NTRK3: variants seen among roughly 807,000 people sequenced by gnomAD.
NTRK3 encodes neurotrophic receptor tyrosine kinase 3.
In NTRK3, 24 loss-of-function variants were observed where a neutral mutation model predicts 91.7. The ratio of observed to expected loss-of-function variants is 0.26; its 90% CI spans 0.19 to 0.37. The LOEUF is 0.37. Among genes scored for constraint, NTRK3 ranks in the 10% least tolerant of loss-of-function variants. The probability of loss-of-function intolerance (pLI) is 1.00; values close to 1 mark genes in which losing one functional copy is unlikely to be tolerated. For synonymous variants in NTRK3, 483 were observed against 404.0 expected (o/e 1.20, Z -2.34); for missense variants, 880 against 1,068.9 (o/e 0.82, Z 2.46).
At chr15:87,921,423 C>G (rs935685502) in intron 17 of NTRK3, among the ~76,000 whole-genome samples, 1 of 152,160 alleles carries the variant, frequency 6.6e-6, no homozygotes, top group African/African-American at 2.4e-5. Context: ...GGTCAGCATC[C>G]CTCAAGAACC....
intron 14 of NTRK3, among the ~76,000 whole-genome samples, chr15:87,969,279 G>T (rs1041431963): frequency 2.6e-5 from 4 of 152,178 alleles, no homozygotes; most frequent in African/African-American, 9.7e-5. Context: ...CACCCACAGG[G>T]GTGGAAAGAG....
At chr15:87,907,749 A>C (rs2066858323) in intron 17 of NTRK3, among the ~76,000 whole-genome samples, 1 of 152,138 alleles carries the variant, frequency 6.6e-6, no homozygotes, top group South Asian at 2.1e-4. Context: ...AGAAGAAAAA[A>C]GCCCCCAAGC....
chr15:88,011,227 C>G (rs1280084006), intron 14 of NTRK3, among the ~76,000 whole-genome samples: 1 of 152,152 alleles, frequency 6.6e-6, no homozygotes, highest in Non-Finnish European at 1.5e-5. Context: ...ATCTGTTGTT[C>G]CCTCCACCAG....
At position 88,126,242 on chromosome 15, in the gene NTRK3, C is replaced by T. The variant is rs770906051; in HGVS notation, c.1396+29G>A. The stretch of plus-strand genomic sequence containing the variant: ...AAAGCAGTAATGTTTCCCCCCATGA[C>T]GCCCTTGAAAATGAAACTCCCACCT... On this transcript the variant is annotated intron_variant, in intron 13 of 18. Transcript: ENST00000394480. The T allele has an allele frequency of 3.2e-5, 46 of 1,459,698 alleles. No individual in the cohort carries two copies. The South Asian group carries it at 4.4e-4, about 14-fold the overall frequency. 90.4% of individuals were successfully genotyped at this position (1,459,698 alleles called of 1,614,324 possible).
exon 19 of NTRK3, chr15:87,866,416 C>T (rs2064679408): frequency 5.9e-6 from 1 of 169,374 alleles, no homozygotes; most frequent in Non-Finnish European, 1.3e-5. Flanking sequence ...TATACATTTA[C>T]ATATATATGT....
chr15:88,086,087 T>C (rs2150705647), intron 13 of NTRK3, among the ~76,000 whole-genome samples: 1 of 152,220 alleles, frequency 6.6e-6, no homozygotes, highest in Non-Finnish European at 1.5e-5. Context: ...GTAGGAGAGG[T>C]GTCCGATGCC....
chr15:88,080,808 A>G (rs1013292824), intron 13 of NTRK3, among the ~76,000 whole-genome samples: 3 of 152,384 alleles, frequency 2.0e-5, no homozygotes, highest in Middle Eastern at 3.4e-3. Context: ...GGAAGCAAGC[A>G]TGGTGCCAAT....
At chr15:88,171,593 T>C (rs1030802114) in intron 5 of NTRK3, among the ~76,000 whole-genome samples, 4 of 152,192 alleles carry the variant, frequency 2.6e-5, no homozygotes, top group Admixed American at 2.0e-4. Context: ...GTACCTACCA[T>C]GTGCAGCCAC....
At chr15:87,922,518 C>T (rs961060375) in intron 17 of NTRK3, among the ~76,000 whole-genome samples, 20 of 152,070 alleles carry the variant, frequency 1.3e-4, no homozygotes, top group Admixed American at 3.9e-4. Flanking sequence ...GTCAATGGGC[C>T]ATAAATATCT....
At chr15:88,197,689 G>A (rs1046485117) in intron 3 of NTRK3, among the ~76,000 whole-genome samples, 7 of 152,208 alleles carry the variant, frequency 4.6e-5, no homozygotes, top group Non-Finnish European at 8.8e-5. Context: ...AATGGGACCT[G>A]TGTAAATGGC....
intron 5 of NTRK3, among the ~76,000 whole-genome samples, chr15:88,155,773 T>C (rs948038014): frequency 6.6e-6 from 1 of 152,312 alleles, no homozygotes. Context: ...TAACCCAATA[T>C]ATCCAAAACA....
At chr15:88,009,912 T>C (rs1320059772) in intron 14 of NTRK3, among the ~76,000 whole-genome samples, 2 of 152,154 alleles carry the variant, frequency 1.3e-5, no homozygotes, top group African/African-American at 4.8e-5. Flanking sequence ...CCAAACAATA[T>C]AGTGGATTCC....
Position 87,912,931 on chromosome 15 carries a change from A to ATATATATATAT in NTRK3, c.2133+16259_2133+16260insATATATATATA, listed in dbSNP as rs1567099538. ...TTCAACTTTTCAAAAAGTAAAAAAA[A>ATATATATATAT]ATATATATATATATATATATATATA... On this transcript the variant is annotated intron_variant, in intron 17 of 18. Transcript: ENST00000394480. 2.1e-3 allele frequency among the ~76,000 whole-genome samples: 75 copies of ATATATATATAT among 36,342 alleles called. 4 individuals carry two copies. Among genetic ancestry groups the ATATATATATAT allele is most frequent in the Non-Finnish European group, 2.4e-3 (52 of 21,234 alleles). The allele number at this position is 36,342 out of a possible 152,430, so 23.8% of individuals were successfully genotyped here.
chr15:87,866,229 T>C (rs925044648), exon 19 of NTRK3: 38 of 215,422 alleles, frequency 1.8e-4, no homozygotes, highest in Non-Finnish European at 5.6e-5. Flanking sequence ...CCTATTCCCA[T>C]TATCCTCCCT....
chr15:88,205,049 G>C lies in NTRK3; in HGVS notation c.249-20750C>G, dbSNP rs543074992. Among the ~76,000 whole-genome samples the C allele has an allele frequency of 2.6e-5, 4 of 152,320 alleles. No individual in the cohort carries two copies. In the South Asian group the frequency reaches 8.3e-4, roughly 32 times the overall value. On this transcript the variant is annotated intron_variant, in intron 3 of 18. Coordinates refer to ENST00000394480, the Ensembl canonical transcript of NTRK3. ...CCTGCCCTTCCTACCAGGAAAATCA[G>C]CATTCTCAGGAGTGCTGAGAAATTG...
At chr15:88,011,477 T>C (rs985154651) in intron 14 of NTRK3, among the ~76,000 whole-genome samples, 1 of 152,214 alleles carries the variant, frequency 6.6e-6, no homozygotes, top group Non-Finnish European at 1.5e-5. Flanking sequence ...GCTACCTTCC[T>C]ATAATTTCAG....
chr15:87,984,351 G>T (rs1362088217), intron 14 of NTRK3, among the ~76,000 whole-genome samples: 3 of 152,232 alleles, frequency 2.0e-5, no homozygotes, highest in Admixed American at 6.5e-5. Context: ...GCCCTTCTAA[G>T]GTTGTGGGAA....
chr15:88,160,170 C>T (rs989564330), intron 5 of NTRK3, among the ~76,000 whole-genome samples: 3 of 152,278 alleles, frequency 2.0e-5, no homozygotes, highest in South Asian at 2.1e-4. Context: ...AAAGCTGGAG[C>T]TGGGGAACCC....
rs1157904247 is a variant in NTRK3, at chr15:88,241,458, C to A, written c.248+14448G>T. On this transcript the variant is annotated intron_variant, in intron 3 of 18. Coordinates refer to ENST00000394480, the Ensembl canonical transcript of NTRK3. The surrounding 1 kb of genome is among the most constrained non-coding windows in gnomAD (Gnocchi z 4.3). ...ACAGAACATGACCCCGGAAAATGAA[C>A]CCTAGATGCAAATCAGGGAGTCATG... is the stretch of plus-strand genomic sequence containing the variant. Among the ~76,000 whole-genome samples the A allele has an allele frequency of 6.6e-6, 1 of 152,096 alleles. No individual in the cohort carries two copies. The highest frequency in any genetic ancestry group is 1.5e-5 in the Non-Finnish European group (1 of 68,014).
Sources: gnomAD v4.1 joint callset for allele counts (sites outside exome capture counted in the v4.1 genomes callset) on GRCh38, gnomAD v4.1.1 for gene constraint, Gnocchi (gnomAD v3.1) non-coding constraint, MANE v1.5 for transcripts, NCBI Gene and HGNC (gene_info 2026-07-23, HGNC 2026-07-21) for gene names.